The following GLI2 variants were observed in gnomAD, a reference collection of about 807,000 sequenced individuals.
The protein encoded by GLI2 is GLI family zinc finger 2, also known as transcription activator GLI2.
In GLI2, 22 loss-of-function variants were observed where a neutral mutation model predicts 78.9. That is an observed-to-expected ratio of 0.28 (90% CI 0.20 to 0.40). The LOEUF is 0.40. Ranked by LOEUF, GLI2 falls within the 10% of genes least tolerant of loss-of-function variation. GLI2 has a pLI of 1.00. For missense variants in GLI2, 2,097 were observed against 2,213.2 expected (o/e 0.95, Z 1.05); for synonymous variants, 974 against 963.7 (o/e 1.01, Z -0.20).
intron 2 of GLI2, among the ~76,000 whole-genome samples, chr2:120,870,628 C>T (rs1324938223): frequency 6.6e-6 from 1 of 152,200 alleles, no homozygotes; most frequent in African/African-American, 2.4e-5. Context: ...TTAGTGTAGG[C>T]TGCTGAGCTG....
intron 2 of GLI2, among the ~76,000 whole-genome samples, chr2:120,824,865 T>C (rs1322843420): frequency 6.6e-6 from 1 of 152,184 alleles, no homozygotes; most frequent in Non-Finnish European, 1.5e-5. Flanking sequence ...AGACAGGTTA[T>C]CGCTCAGTTG....
At chr2:120,875,549 G>A (rs1334364217) in intron 2 of GLI2, among the ~76,000 whole-genome samples, 1 of 152,242 alleles carries the variant, frequency 6.6e-6, no homozygotes, top group Non-Finnish European at 1.5e-5. Context: ...ACCCCGCCCT[G>A]TGCCGAGTGC....
intron 2 of GLI2, among the ~76,000 whole-genome samples, chr2:120,838,074 A>C (rs1247890841): frequency 6.8e-6 from 1 of 147,572 alleles, no homozygotes; most frequent in Non-Finnish European, 1.5e-5. Context: ...TTTGGAGAAG[A>C]TTGCCATCTT....
chr2:120,772,497 T>C (rs550513644), intron 1 of GLI2, among the ~76,000 whole-genome samples: 5 of 152,320 alleles, frequency 3.3e-5, no homozygotes, highest in African/African-American at 1.2e-4. Context: ...GCAGAGGGAA[T>C]GTTTTAACTC....
rs1682395346 is a variant in GLI2, at chr2:120,737,284, C to T, written c.-31+999C>T. Among the ~76,000 whole-genome samples the T allele has an allele frequency of 6.6e-6, 1 of 152,056 alleles. No homozygotes were observed. Among genetic ancestry groups the T allele is most frequent in the Non-Finnish European group, 1.5e-5 (1 of 68,012 alleles). On this transcript the variant is annotated intron_variant, in intron 1 of 13. Coordinates refer to ENST00000361492, the MANE Select transcript of GLI2 (RefSeq NM_001374353.1). This position sits in a 1 kb window ranked among gnomAD's most constrained non-coding sequence, Gnocchi z 4.3. ...GCTGGGAGTCCACCCAGCTCGGCGCCTTTTCAGCCCGGCGGTAACTGCTGT... is the reference window on the plus strand; with the variant it reads ...GCTGGGAGTCCACCCAGCTCGGCGCTTTTTCAGCCCGGCGGTAACTGCTGT...
rs886054815 is a variant in GLI2 at position 120,989,193 on chromosome 2, C to T, written c.3228C>T (p.Phe1076=). 3.1e-6 allele frequency: 5 copies of T among 1,613,226 alleles called. No homozygotes were observed. Among genetic ancestry groups the T allele is most frequent in the Admixed American group, 1.7e-5 (1 of 60,038 alleles). The change falls in exon 14 of 14, where the codon TTC becomes TTT. Residue 1076 remains phenylalanine (F), a synonymous_variant. Transcript: ENST00000361492. ...GQVYPTESTG[F]SDNPRLPSPG... ...TGTATCCCACGGAAAGCACTGGCTT[C>T]TCTGACAACCCCAGACTACCCAGCC...
intron 2 of GLI2, among the ~76,000 whole-genome samples, chr2:120,823,221 C>G (rs1051452432): frequency 6.6e-6 from 1 of 152,204 alleles, no homozygotes; most frequent in African/African-American, 2.4e-5. Flanking sequence ...GATCATTTAC[C>G]TGAATTGCTT....
chr2:120,990,937 G>A lies in GLI2; in HGVS notation c.*262G>A, dbSNP rs1191817387. ...AAACTCATTTACACAGTGCTTTCCA[G>A]CCTTTGGTGCTTACAGGACCGCGCT... On this transcript the variant is annotated 3_prime_UTR_variant, in exon 14 of 14. Coordinates refer to ENST00000361492, the MANE Select transcript of GLI2 (RefSeq NM_001374353.1). The A allele has an allele frequency of 2.0e-6, 1 of 508,190 alleles. No homozygotes were observed. The highest frequency in any genetic ancestry group is 3.3e-5 in the East Asian group (1 of 30,580). The allele number at this position is 508,190 out of a possible 1,614,324, so 31.5% of individuals were successfully genotyped here.
chr2:120,868,650 C>G (rs1688273736), intron 2 of GLI2, among the ~76,000 whole-genome samples: 1 of 152,172 alleles, frequency 6.6e-6, no homozygotes, highest in Non-Finnish European at 1.5e-5. Context: ...TTCCTGGGAG[C>G]TGCCTTTTGG....
At chr2:120,909,142 AT>A (rs1678686354) in intron 2 of GLI2, among the ~76,000 whole-genome samples, 1 of 152,142 alleles carries the variant, frequency 6.6e-6, no homozygotes, top group South Asian at 2.1e-4. Context: ...TTCATTGGGA[AT>A]AAATGCACCC....
intron 2 of GLI2, among the ~76,000 whole-genome samples, chr2:120,849,118 C>G (rs996135557): frequency 3.9e-5 from 6 of 152,086 alleles, no homozygotes; most frequent in African/African-American, 1.4e-4. Flanking sequence ...TTATATGAGG[C>G]CCCTAGGGTA....
chr2:120,759,414 T>A (rs1205062066), intron 1 of GLI2, among the ~76,000 whole-genome samples: 1 of 152,162 alleles, frequency 6.6e-6, no homozygotes, highest in Non-Finnish European at 1.5e-5. Context: ...CAACCAGCTA[T>A]AAATCTGGGT....
chr2:120,962,880 G>C (rs770709717), intron 5 of GLI2, among the ~76,000 whole-genome samples: 5 of 152,200 alleles, frequency 3.3e-5, no homozygotes, highest in African/African-American at 1.2e-4. Flanking sequence ...ACGAAGATGT[G>C]TGTGTTTCTT....
chr2:120,942,711 A>G (rs1680510304), intron 3 of GLI2, among the ~76,000 whole-genome samples: 2 of 152,214 alleles, frequency 1.3e-5, no homozygotes, highest in Admixed American at 6.5e-5. Flanking sequence ...ACGTGCTCCC[A>G]GGCAGGAGTG....
chr2:120,808,117 G>A (rs769306657), intron 2 of GLI2, among the ~76,000 whole-genome samples: 7 of 152,170 alleles, frequency 4.6e-5, no homozygotes, highest in African/African-American at 9.7e-5. Context: ...TTTCCATCTC[G>A]TTTTCAGCAG....
At chr2:120,770,130 C>T (rs1263239914) in intron 1 of GLI2, among the ~76,000 whole-genome samples, 3 of 152,160 alleles carry the variant, frequency 2.0e-5, no homozygotes, top group African/African-American at 4.8e-5. Flanking sequence ...TATAGCTTGG[C>T]GGCTCCTAGA....
chr2:120,882,850 T>C (rs748907552), intron 2 of GLI2, among the ~76,000 whole-genome samples: 1 of 152,148 alleles, frequency 6.6e-6, no homozygotes, highest in East Asian at 1.9e-4. Context: ...AAATTACATA[T>C]AGTAAAATAC....
intron 2 of GLI2, among the ~76,000 whole-genome samples, chr2:120,824,377 T>TC (rs545741251): frequency 8.5e-5 from 13 of 152,334 alleles, no homozygotes; most frequent in Admixed American, 7.8e-4. Context: ...GCAGCAGCCT[T>TC]CCCCCTTACA....
intron 2 of GLI2, chr2:120,867,298 C>G (rs1022214656): frequency 6.6e-6 from 1 of 152,214 alleles, no homozygotes; most frequent in Non-Finnish European, 1.5e-5. Flanking sequence ...GGGCCCTAGT[C>G]TGAGAAAGGC....
Sources: gnomAD v4.1 joint callset for allele counts (sites outside exome capture counted in the v4.1 genomes callset) on GRCh38, gnomAD v4.1.1 for gene constraint, Gnocchi (gnomAD v3.1) non-coding constraint, MANE v1.5 for transcripts, NCBI Gene and HGNC (gene_info 2026-07-23, HGNC 2026-07-21) for gene names.